DNAH10: variants seen among roughly 807,000 people sequenced by gnomAD.
DNAH10 encodes axonemal beta dynein heavy chain 10.
In DNAH10, 348 loss-of-function variants were observed where a neutral mutation model predicts 506.6. That is an observed-to-expected ratio of 0.69 (90% CI 0.63 to 0.75). DNAH10 has a LOEUF of 0.75. Among genes scored for constraint, DNAH10 ranks in the 30% least tolerant of loss-of-function variants. The probability of loss-of-function intolerance (pLI) is 0.00; values close to 1 mark genes in which losing one functional copy is unlikely to be tolerated. For missense variants in DNAH10, 5,179 were observed against 5,787.1 expected (o/e 0.89, Z 3.41); for synonymous variants, 2,059 against 2,198.6 (o/e 0.94, Z 1.78).
chr12:123,934,314 C>G, intron 77 of DNAH10: 1 of 686,064 alleles, frequency 1.5e-6, no homozygotes, highest in South Asian at 1.5e-5. Context: ...GCCTGGGGGC[C>G]CAGGGTGGTC....
chr12:123,780,864 G>A (rs1349155991), intron 5 of DNAH10, among the ~76,000 whole-genome samples: 1 of 140,790 alleles, frequency 7.1e-6, no homozygotes, highest in Admixed American at 7.8e-5. Context: ...CAGGAGAATC[G>A]CTTGCACTGG....
chr12:123,771,548 T>C, intron 2 of DNAH10, 53 bp from the exon 3 acceptor site: 1 of 1,504,154 alleles, frequency 6.6e-7, no homozygotes, highest in South Asian at 1.2e-5. Flanking sequence ...CTCTTGATGG[T>C]AGGAAACCTA....
intron 21 of DNAH10, among the ~76,000 whole-genome samples, chr12:123,814,481 GCA>G (rs1190508033): frequency 6.6e-6 from 1 of 152,174 alleles, no homozygotes; most frequent in African/African-American, 2.4e-5. Context: ...CCACTAGGCT[GCA>G]AGGGTCCTGG....
chr12:123,925,871 A>G lies in DNAH10; in HGVS notation c.11921+667A>G, dbSNP rs1462085074. 6.6e-6 allele frequency: 1 copy of G among 152,220 alleles called. No individual in the cohort carries two copies. The highest frequency in any genetic ancestry group is 6.5e-5 in the Admixed American group (1 of 15,276). The allele number at this position is 152,220 out of a possible 1,614,324, so 9.4% of individuals were successfully genotyped here. A position where few individuals can be genotyped will look rare whatever the true frequency, so the allele number is the denominator to read the frequency against. ...GGATCCTCTGACTCTGAAAGAAGCT[A>G]GGACTTCAGATTTTTTCCTGAAATA... On this transcript the variant is annotated intron_variant, in intron 68 of 78. Transcript: ENST00000673944. This position sits in a 1 kb window ranked among gnomAD's most constrained non-coding sequence, Gnocchi z 4.0.
At chr12:123,806,995 C>T (rs537769392) in intron 18 of DNAH10, among the ~76,000 whole-genome samples, 1 of 152,264 alleles carries the variant, frequency 6.6e-6, no homozygotes, top group South Asian at 2.1e-4. Context: ...GTTTCAATGT[C>T]CTGACCTCGT....
At chr12:123,878,612 GTCGGCCAGGC>G in intron 48 of DNAH10, among the ~76,000 whole-genome samples, 1 of 152,288 alleles carries the variant, frequency 6.6e-6, no homozygotes, top group South Asian at 2.1e-4. Flanking sequence ...AAAAGGAGCT[GTCGGCCAGGC>G]ACAGTGGCTA....
At chr12:123,814,970 A>G (rs1393358021) in intron 21 of DNAH10, among the ~76,000 whole-genome samples, 1 of 152,186 alleles carries the variant, frequency 6.6e-6, no homozygotes, top group Non-Finnish European at 1.5e-5. Flanking sequence ...TCACAGAAAT[A>G]ATAGAAGAAT....
In DNAH10 at chr12:123,830,641, A is replaced by C. The variant is rs1430249361; in HGVS notation, c.4487A>C (p.His1496Pro). 6.2e-7 allele frequency: 1 copy of C among 1,613,966 alleles called. No homozygotes were observed. The highest frequency in any genetic ancestry group is 8.5e-7 in the Non-Finnish European group (1 of 1,179,864). The change falls in exon 26 of 79, where the codon CAC (histidine) becomes CCC (proline). Residue 1496 changes from histidine (H) to proline (P), a missense_variant. By Grantham distance (77) the His-to-Pro change is moderately conservative (BLOSUM62 -2). This residue lies in a region of DNAH10 where 4,844 missense variants were observed against 5,430.5 expected (regional missense o/e 0.89). Transcript: ENST00000673944. Reference protein sequence around the residue: ...ENMFAMELHKHTDVLNEIVTA... With the variant: ...ENMFAMELHKPTDVLNEIVTA... ...ATGTTTGCTATGGAACTGCACAAAC[A>C]CACAGATGTTCTCAATGAGATTGTC...
chr12:123,927,876 G>C, intron 69 of DNAH10: 1 of 157,518 alleles, frequency 6.3e-6, no homozygotes, highest in African/African-American at 2.4e-5. Flanking sequence ...ATAAGCTATT[G>C]TAACGCCAGC....
rs972549309 is a variant in DNAH10 at position 123,873,580 on chromosome 12, C to T, written c.7808C>T (p.Ser2603Phe). The stretch of plus-strand genomic sequence containing the variant: ...CAGATTGTGTTAATGGTCAACTTCT[C>T]CTCCCGCACCACGTCCATGGATATC... ...ETNIVLMVNF[S>F]SRTTSMDIQR... Residue 2603 changes from serine (S) to phenylalanine (F), a missense_variant, in exon 46 of 79, where the codon TCC becomes TTC. This residue lies in a region of DNAH10 where 4,844 missense variants were observed against 5,430.5 expected (regional missense o/e 0.89). Transcript: ENST00000673944. The T allele has an allele frequency of 8.1e-6, 13 of 1,612,860 alleles. No homozygotes were observed. The highest frequency in any genetic ancestry group is 8.5e-6 in the Non-Finnish European group (10 of 1,179,498).
chr12:123,780,489 C>T (rs996536323), intron 5 of DNAH10, among the ~76,000 whole-genome samples: 2 of 151,730 alleles, frequency 1.3e-5, no homozygotes, highest in Non-Finnish European at 2.9e-5. Context: ...TTTGTAACTT[C>T]TCAGTTACTG....
intron 43 of DNAH10, among the ~76,000 whole-genome samples, chr12:123,868,658 G>A (rs1951906002): frequency 6.6e-6 from 1 of 152,178 alleles, no homozygotes; most frequent in South Asian, 2.1e-4. Context: ...CATTCTCCAA[G>A]GTCTATATGC....
At chr12:123,935,086 C>T (rs546480539) in intron 78 of DNAH10, 9 of 597,922 alleles carry the variant, frequency 1.5e-5, no homozygotes, top group African/African-American at 3.7e-5. Flanking sequence ...AAGTGGTTCC[C>T]GCTGGTGTGG....
chr12:123,812,799 GTTC>G (rs1958992096), intron 19 of DNAH10, among the ~76,000 whole-genome samples: 1 of 152,142 alleles, frequency 6.6e-6, no homozygotes. Flanking sequence ...GGCGGCTGGG[GTTC>G]TCTTGTGTAT....
chr12:123,783,187 A>G lies in DNAH10; in HGVS notation c.922A>G (p.Ile308Val). Residue 308 changes from isoleucine to valine, a missense_variant, in exon 7 of 79, where the codon ATC becomes GTC. Around this residue, in one of 3 missense-constraint regions of DNAH10, gnomAD observed 4,844 missense variants for 5,430.5 expected, o/e 0.89. Coordinates refer to ENST00000673944, the MANE Select transcript of DNAH10 (RefSeq NM_001372106.1). Reference sequence around the variant, plus strand: ...GGCAGCTGACCCGGAAACCGTTGACATCTTGGAGCAGTGTGTGATAAACTG... The same window carrying G: ...GGCAGCTGACCCGGAAACCGTTGACGTCTTGGAGCAGTGTGTGATAAACTG... ...DLAADPETVD[I>V]LEQCVINWLN... is the part of the protein sequence containing the mutation. The G allele has an allele frequency of 6.2e-7, 1 of 1,614,202 alleles. No individual in the cohort carries two copies. Among genetic ancestry groups the G allele is most frequent in the Non-Finnish European group, 8.5e-7 (1 of 1,180,030 alleles).
chr12:123,826,759 G>C lies in DNAH10; in HGVS notation c.4252G>C (p.Gly1418Arg). 6.2e-7 allele frequency: 1 copy of C among 1,613,920 alleles called. No homozygotes were observed. Among genetic ancestry groups the C allele is most frequent in the Non-Finnish European group, 8.5e-7 (1 of 1,179,836 alleles). ...GCAGATTCTCCAGGAAGGAATTGAA[G>C]GTTTTCTCAGGGCTCTCAGAAAGCT... is the stretch of plus-strand genomic sequence containing the variant. ...NVQILQEGIE[G>R]FLRALRKLPR... is the part of the protein sequence containing the mutation. Residue 1418 changes from glycine to arginine, a missense_variant, in exon 25 of 79, where the codon GGT becomes CGT. This residue lies in a region of DNAH10 where 4,844 missense variants were observed against 5,430.5 expected (regional missense o/e 0.89). Transcript: ENST00000673944.
chr12:123,814,609 A>ATTTTTTTTTTTTTTT (rs1214217837), intron 21 of DNAH10, among the ~76,000 whole-genome samples: 2 of 121,216 alleles, frequency 1.6e-5, no homozygotes, highest in African/African-American at 6.7e-5. Flanking sequence ...GGCCAGGTAG[A>ATTTTTTTTTTTTTTT]TTTTTTTTTT....
intron 16 of DNAH10, 85 bp downstream of exon 16, chr12:123,801,517 C>A: frequency 6.6e-7 from 1 of 1,505,654 alleles, no homozygotes. Context: ...TTACCATTTT[C>A]ATATGTTTAT....
chr12:123,779,196 C>T (rs1471439783), intron 5 of DNAH10, among the ~76,000 whole-genome samples: 1 of 151,156 alleles, frequency 6.6e-6, no homozygotes, highest in Admixed American at 6.6e-5. Context: ...AGCCACCGTG[C>T]CCGGCCTAAT....
Sources: gnomAD v4.1 joint callset for allele counts (sites outside exome capture counted in the v4.1 genomes callset) on GRCh38, gnomAD v4.1.1 for gene constraint, gnomAD v4.1.1 regional missense constraint, Gnocchi (gnomAD v3.1) non-coding constraint, MANE v1.5 for transcripts, NCBI Gene and HGNC (gene_info 2026-07-23, HGNC 2026-07-21) for gene names.